Variants in GRIN2A observed in about 807,000 individuals in gnomAD.
The protein encoded by GRIN2A is glutamate receptor ionotropic, NMDA 2A.
A neutral mutation model predicts 113.4 loss-of-function variants in GRIN2A; 22 were observed. The ratio of observed to expected loss-of-function variants is 0.19; its 90% CI spans 0.14 to 0.28. The LOEUF (loss-of-function observed/expected upper bound fraction) is 0.28, where lower values mean the gene tolerates loss of function less well. Ranked by LOEUF, GRIN2A falls within the 10% of genes least tolerant of loss-of-function variation. The probability of loss-of-function intolerance (pLI) is 1.00; values close to 1 mark genes in which losing one functional copy is unlikely to be tolerated. For missense variants in GRIN2A, 1,502 were observed against 1,887.0 expected (o/e 0.80, Z 3.78); for synonymous variants, 827 against 738.4 (o/e 1.12, Z -1.94).
chr16:10,151,527 T>G (rs2049573024), intron 2 of GRIN2A, among the ~76,000 whole-genome samples: 1 of 152,190 alleles, frequency 6.6e-6, no homozygotes, highest in Admixed American at 6.5e-5. Context: ...AATTCAAAAG[T>G]TACAGGGCCA....
intron 2 of GRIN2A, among the ~76,000 whole-genome samples, chr16:10,036,833 T>A (rs573581637): frequency 1.7e-4 from 26 of 152,258 alleles, no homozygotes; most frequent in African/African-American, 5.8e-4. Context: ...CCCCTTTTTA[T>A]AAGGACACCA....
intron 2 of GRIN2A, among the ~76,000 whole-genome samples, chr16:10,007,772 G>A (rs190603486): frequency 5.8e-4 from 89 of 152,284 alleles, no homozygotes; most frequent in African/African-American, 2.1e-3. Context: ...ATAGATGTAA[G>A]TGACAAGAGG....
chr16:9,985,734 G>T lies in GRIN2A; in HGVS notation c.415-47183C>A, dbSNP rs183021069. Among the ~76,000 whole-genome samples, 45 of 152,244 alleles carry T rather than the reference G, an allele frequency of 3.0e-4. 1 individual carries two copies. Among genetic ancestry groups the T allele is most frequent in the African/African-American group, 1.0e-3 (43 of 41,542 alleles). ...TGGGGGATGGTATGAGGTAGTGATG[G>T]TTAATGAGTACAAAAATATAGTTAG... is the stretch of plus-strand genomic sequence containing the variant. On this transcript the variant is annotated intron_variant, in intron 2 of 12. Coordinates refer to ENST00000330684, the MANE Select transcript of GRIN2A (RefSeq NM_001134407.3).
intron 11 of GRIN2A, among the ~76,000 whole-genome samples, chr16:9,793,348 TG>T (rs1431249471): frequency 6.6e-6 from 1 of 152,218 alleles, no homozygotes; most frequent in African/African-American, 2.4e-5. Flanking sequence ...GAGAAGGGTT[TG>T]ACCTTTATGG....
In GRIN2A at chr16:9,764,000, C is replaced by A. The variant is rs375160358; in HGVS notation, c.3544G>T (p.Asp1182Tyr). 36 of 1,613,974 alleles carry A rather than the reference C, an allele frequency of 2.2e-5. No homozygotes were observed. The highest frequency in any genetic ancestry group is 3.0e-5 in the Non-Finnish European group (35 of 1,180,010). ...TGCTTGGAGTAGAGTTTATACTGGT[C>A]GTTGTTGGAAAGCCCCTCTTCATTA... Reference protein sequence around the residue: ...LHNEEGLSNNDQYKLYSKHFT... With the variant: ...LHNEEGLSNNYQYKLYSKHFT... Residue 1182 changes from aspartate to tyrosine, a missense_variant, in exon 13 of 13, where the codon GAC (aspartate) becomes TAC (tyrosine). By Grantham distance (160) the Asp-to-Tyr change is radical. Transcript: ENST00000330684.
chr16:9,958,319 C>G (rs1393931111), intron 2 of GRIN2A, among the ~76,000 whole-genome samples: 1 of 152,160 alleles, frequency 6.6e-6, no homozygotes, highest in East Asian at 1.9e-4. Flanking sequence ...ATGGCTCCCT[C>G]TTGCTGATGT....
rs775144380 is a variant in GRIN2A at position 9,764,863 on chromosome 16, A to G, written c.2681T>C (p.Met894Thr). 6.2e-7 allele frequency: 1 copy of G among 1,614,164 alleles called. No homozygotes were observed. The highest frequency in any genetic ancestry group is 8.5e-7 in the Non-Finnish European group (1 of 1,180,020). Residue 894 changes from methionine (M) to threonine (T), a missense_variant, in exon 13 of 13, where the codon ATG becomes ACG. Transcript: ENST00000330684. ...DFNLTGSQSN[M>T]LKLLRSAKNI... Reference sequence around the variant, plus strand: ...TTTGGCTGACCGGAGGAGTTTTAACATGTTGCTCTGGGATCCCGTCAGATT... The same window carrying G: ...TTTGGCTGACCGGAGGAGTTTTAACGTGTTGCTCTGGGATCCCGTCAGATT...
At chr16:10,058,057 C>A (rs558736875) in intron 2 of GRIN2A, among the ~76,000 whole-genome samples, 7 of 152,228 alleles carry the variant, frequency 4.6e-5, no homozygotes, top group South Asian at 2.1e-4. Context: ...GAGTTTGAGA[C>A]AAGCCTGACC....
intron 2 of GRIN2A, among the ~76,000 whole-genome samples, chr16:10,093,272 A>C (rs2142087376): frequency 6.6e-6 from 1 of 152,282 alleles, no homozygotes; most frequent in East Asian, 1.9e-4. Flanking sequence ...GCAGGTCCCA[A>C]AGGAAATTGT....
chr16:9,817,993 T>C (rs1175997159), intron 10 of GRIN2A, among the ~76,000 whole-genome samples: 1 of 151,910 alleles, frequency 6.6e-6, no homozygotes, highest in Non-Finnish European at 1.5e-5. Context: ...CTTCTACAGA[T>C]GCTGGTCGTG....
intron 2 of GRIN2A, among the ~76,000 whole-genome samples, chr16:10,039,244 G>A (rs2047096481): frequency 6.6e-6 from 1 of 152,124 alleles, no homozygotes; most frequent in Non-Finnish European, 1.5e-5. Context: ...GTTTAAAGAG[G>A]TTTGGCTGCA....
At position 9,840,624 on chromosome 16, in the gene GRIN2A, T is replaced by C. The variant is rs1453090366; in HGVS notation, c.1651+23A>G. The C allele has an allele frequency of 4.4e-6, 7 of 1,606,400 alleles. No individual in the cohort carries two copies. In the Middle Eastern group the frequency reaches 4.9e-4, roughly 113 times the overall value. On this transcript the variant is annotated intron_variant, in intron 7 of 12. Coordinates refer to ENST00000330684, the MANE Select transcript of GRIN2A (RefSeq NM_001134407.3). ...CCTACAATTCCTTATAGGAAAGCAA[T>C]AGTCACTATGAAATTCACACACCTA...
At chr16:10,039,806 G>GAGAGAGAGA (rs1555469296) in intron 2 of GRIN2A, among the ~76,000 whole-genome samples, 1 of 54,578 alleles carries the variant, frequency 1.8e-5, no homozygotes, top group African/African-American at 1.0e-4. Flanking sequence ...GGGGGAGGGG[G>GAGAGAGAGA]GGGAGAAAGA....
intron 2 of GRIN2A, among the ~76,000 whole-genome samples, chr16:10,154,037 C>G (rs1327135140): frequency 6.6e-6 from 1 of 152,194 alleles, no homozygotes; most frequent in East Asian, 1.9e-4. Flanking sequence ...GCTGTCCACC[C>G]CACAGTCCAG....
chr16:10,051,522 A>G (rs1012497474), intron 2 of GRIN2A, among the ~76,000 whole-genome samples: 1 of 152,220 alleles, frequency 6.6e-6, no homozygotes, highest in African/African-American at 2.4e-5. Flanking sequence ...GTAGTAACTC[A>G]AAGTAGTTTT....
intron 2 of GRIN2A, among the ~76,000 whole-genome samples, chr16:10,100,716 C>A (rs1293332553): frequency 1.3e-5 from 2 of 152,200 alleles, no homozygotes; most frequent in African/African-American, 4.8e-5. Flanking sequence ...CATAGTGCCC[C>A]CCTGCTGGAT....
At chr16:10,130,141 G>C (rs1382131201) in intron 2 of GRIN2A, among the ~76,000 whole-genome samples, 1 of 152,200 alleles carries the variant, frequency 6.6e-6, no homozygotes, top group African/African-American at 2.4e-5. Context: ...ACTCAGAAAA[G>C]CCAAGAGACT....
intron 3 of GRIN2A, among the ~76,000 whole-genome samples, chr16:9,914,743 T>C (rs1387088772): frequency 6.6e-6 from 1 of 151,536 alleles, no homozygotes; most frequent in Non-Finnish European, 1.5e-5. Context: ...CTTAATCACC[T>C]GGATATGATA....
At chr16:10,141,120 G>A (rs188609740) in intron 2 of GRIN2A, among the ~76,000 whole-genome samples, 33 of 152,188 alleles carry the variant, frequency 2.2e-4, no homozygotes, top group South Asian at 1.2e-3. Context: ...CTTGAACCCC[G>A]GAGGGTGAGG....
Sources: allele counts gnomAD v4.1 joint callset (sites outside exome capture counted in the v4.1 genomes callset), GRCh38; gene constraint gnomAD v4.1.1; transcripts MANE v1.5; gene names NCBI Gene and HGNC (gene_info 2026-07-23, HGNC 2026-07-21).